PCMTD1: variants seen among roughly 807,000 people sequenced by gnomAD.
PCMTD1 encodes protein-L-isoaspartate O-methyltransferase domain-containing protein 1.
Under a neutral mutation model 37.6 loss-of-function variants are expected in PCMTD1, and 12 were observed. The observed-to-expected ratio is 0.32, with a 90% confidence interval of 0.20 to 0.52. The LOEUF (loss-of-function observed/expected upper bound fraction) is 0.52, where lower values mean the gene tolerates loss of function less well. Ranked by LOEUF, PCMTD1 falls within the 20% of genes least tolerant of loss-of-function variation. The pLI is 0.97. For synonymous variants in PCMTD1, 117 were observed against 135.8 expected (o/e 0.86, Z 0.96); for missense variants, 235 against 421.3 (o/e 0.56, Z 3.87).
chr8:51,888,024 T>A (rs2038889049), intron 1 of PCMTD1, among the ~76,000 whole-genome samples: 2 of 152,206 alleles, frequency 1.3e-5, no homozygotes. Context: ...ATTACAGGCA[T>A]GAGCCACCGT....
chr8:51,885,356 G>A (rs1209068262), intron 1 of PCMTD1, among the ~76,000 whole-genome samples: 3 of 152,194 alleles, frequency 2.0e-5, no homozygotes, highest in South Asian at 2.1e-4. Context: ...TCAGAGAGGG[G>A]AAGTTAGACG....
rs1390289397 is a variant in PCMTD1 at position 51,817,798 on chromosome 8, T to G, written c.*2553A>C. The G allele has an allele frequency of 8.8e-6, 4 of 456,134 alleles. No homozygotes were observed. The highest frequency in any genetic ancestry group is 1.8e-5 in the Non-Finnish European group (4 of 226,888). 28.3% of individuals were successfully genotyped at this position (456,134 alleles called of 1,614,324 possible). ...AGCAGTATAGATTTAAATTATCTTC[T>G]TGGGTTGGTCTGAGGTTGCTGATGG... On this transcript the variant is annotated 3_prime_UTR_variant, in exon 6 of 6. Coordinates refer to ENST00000522514, the MANE Select transcript of PCMTD1 (RefSeq NM_052937.4).
Position 51,825,314 on chromosome 8 carries a change from G to A in PCMTD1, c.707-4596C>T, listed in dbSNP as rs1750639684. On this transcript the variant is annotated intron_variant, in intron 5 of 5. Transcript: ENST00000522514. ...TATCCATCTGACAAAGGGCTAACATGCAGAATCTACAAAGAACTTAAATTT... is the reference window on the plus strand; with the variant it reads ...TATCCATCTGACAAAGGGCTAACATACAGAATCTACAAAGAACTTAAATTT... Among the ~76,000 whole-genome samples, 3 of 152,216 alleles carry A rather than the reference G, an allele frequency of 2.0e-5. No homozygotes were observed. In the South Asian group the frequency reaches 6.2e-4, roughly 32 times the overall value.
intron 5 of PCMTD1, among the ~76,000 whole-genome samples, chr8:51,821,864 T>C (rs867212847): frequency 1.3e-5 from 2 of 152,014 alleles, no homozygotes; most frequent in Non-Finnish European, 2.9e-5. Flanking sequence ...GCCTCCCAAG[T>C]AGCTGGGACT....
intron 5 of PCMTD1, among the ~76,000 whole-genome samples, chr8:51,822,415 G>T (rs2037861672): frequency 6.6e-6 from 1 of 152,110 alleles, no homozygotes; most frequent in African/African-American, 2.4e-5. Context: ...TGAGCAACTG[G>T]GCAGATGCTG....
intron 1 of PCMTD1, among the ~76,000 whole-genome samples, chr8:51,863,119 T>G (rs78632022): frequency 0.025 from 3,773 of 151,664 alleles, 159 homozygotes; most frequent in African/African-American, 0.086. Context: ...AAAGAAAAAA[T>G]GGTTATATTA....
chr8:51,826,517 T>C (rs568897544), intron 5 of PCMTD1, among the ~76,000 whole-genome samples: 9 of 152,252 alleles, frequency 5.9e-5, no homozygotes, highest in South Asian at 2.1e-4. Flanking sequence ...ACTTAAAATA[T>C]AATAAAAAAT....
At chr8:51,850,160 G>C in intron 2 of PCMTD1, 1 of 695,618 alleles carries the variant, frequency 1.4e-6, no homozygotes, top group Non-Finnish European at 2.6e-6. Flanking sequence ...CCTAACTGTT[G>C]TATAATCTAA....
chr8:51,878,888 G>T (rs951460703), intron 1 of PCMTD1, among the ~76,000 whole-genome samples: 1 of 152,178 alleles, frequency 6.6e-6, no homozygotes, highest in African/African-American at 2.4e-5. Flanking sequence ...ACTTTGGGAG[G>T]TCAAGGTGTG....
chr8:51,863,426 A>G (rs531171590), intron 1 of PCMTD1, among the ~76,000 whole-genome samples: 7 of 152,242 alleles, frequency 4.6e-5, no homozygotes, highest in African/African-American at 1.7e-4. Context: ...AATGAAATAA[A>G]TAAGAACTAC....
chr8:51,845,894 C>G, intron 2 of PCMTD1, 131 bp from the exon 3 acceptor site: 1 of 566,456 alleles, frequency 1.8e-6, no homozygotes, highest in South Asian at 2.8e-5. Context: ...TACTTCCTAG[C>G]CTCAGACTTA....
chr8:51,852,253 T>TAA (rs927354137), intron 2 of PCMTD1, among the ~76,000 whole-genome samples: 2 of 152,162 alleles, frequency 1.3e-5, no homozygotes, highest in African/African-American at 4.8e-5. Flanking sequence ...TAAAGAATGA[T>TAA]AAAGTACACA....
intron 5 of PCMTD1, among the ~76,000 whole-genome samples, chr8:51,821,203 A>C (rs756608707): frequency 1.3e-5 from 2 of 152,208 alleles, no homozygotes; most frequent in African/African-American, 2.4e-5. Context: ...GTGATGGCAC[A>C]ATCATGGCCT....
In PCMTD1 at chr8:51,837,541, GATT is replaced by G. The variant is rs1563340002; in HGVS notation, c.411-3855_411-3853del. Among the ~76,000 whole-genome samples the G allele has an allele frequency of 4.6e-5, 7 of 152,104 alleles. 1 individual carries two copies. The South Asian group carries it at 1.5e-3, about 32-fold the overall frequency. On this transcript the variant is annotated intron_variant, in intron 3 of 5. Transcript: ENST00000522514. ...ACACTACCAATTTTAGTGTCCTAAGGATTATTATTTAAATATGGCTTAACCTTT... is the reference window on the plus strand; with the variant it reads ...ACACTACCAATTTTAGTGTCCTAAGGATTATTTAAATATGGCTTAACCTTT...
rs2037787350 is a variant in PCMTD1, at chr8:51,818,187, T to G, written c.*2164A>C. Reference sequence around the variant, plus strand: ...TTAATTTTCATTTTTCATTTCTACCTCTTAAAGTCAATGATAAACTCACAA... The same window carrying G: ...TTAATTTTCATTTTTCATTTCTACCGCTTAAAGTCAATGATAAACTCACAA... On this transcript the variant is annotated 3_prime_UTR_variant, in exon 6 of 6. Coordinates refer to ENST00000522514, the MANE Select transcript of PCMTD1 (RefSeq NM_052937.4). The G allele has an allele frequency of 3.2e-6, 1 of 313,664 alleles. No individual in the cohort carries two copies. The highest frequency in any genetic ancestry group is 2.7e-5 in the South Asian group (1 of 36,570). 19.4% of individuals were successfully genotyped at this position (313,664 alleles called of 1,614,324 possible). A position where few individuals can be genotyped will look rare whatever the true frequency, so the allele number is the denominator to read the frequency against.
In PCMTD1 at chr8:51,861,246, C is replaced by A; in HGVS notation, c.-95G>T. ...ACTTGATTTCCAAAAATAAATTAAT[C>A]CTGGAAGGGAAGAACAAAAATAAAC... is the stretch of plus-strand genomic sequence containing the variant. On this transcript the variant is annotated splice_region_variant and 5_prime_UTR_variant, in exon 2 of 6. Coordinates refer to ENST00000522514, the MANE Select transcript of PCMTD1 (RefSeq NM_052937.4). 1 of 1,449,608 alleles carries A rather than the reference C, an allele frequency of 6.9e-7. No homozygotes were observed. The highest frequency in any genetic ancestry group is 9.1e-7 in the Non-Finnish European group (1 of 1,097,402). 89.8% of individuals were successfully genotyped at this position (1,449,608 alleles called of 1,614,324 possible).
chr8:51,875,671 C>T (rs571858512), intron 1 of PCMTD1, among the ~76,000 whole-genome samples: 1 of 152,282 alleles, frequency 6.6e-6, no homozygotes, highest in South Asian at 2.1e-4. Flanking sequence ...GGACCAGTGG[C>T]TCATGCCTAT....
rs572589367 is a variant in PCMTD1 at position 51,878,705 on chromosome 8, C to T, written c.-95-17459G>A. 2.5e-3 allele frequency among the ~76,000 whole-genome samples: 386 copies of T among 152,292 alleles called. 2 individuals are homozygous for T. Among genetic ancestry groups the T allele is most frequent in the African/African-American group, 9.0e-3 (374 of 41,554 alleles). The stretch of plus-strand genomic sequence containing the variant: ...TGAAGGCTGCAGCAAGCTGTGATCA[C>T]ATCACTATATTCCAGCCTGGATGAT... On this transcript the variant is annotated intron_variant, in intron 1 of 5. Transcript: ENST00000522514.
At chr8:51,838,493 G>GA (rs909821751) in intron 3 of PCMTD1, among the ~76,000 whole-genome samples, 27 of 150,650 alleles carry the variant, frequency 1.8e-4, no homozygotes, top group Non-Finnish European at 3.4e-4. Flanking sequence ...CTGTCTCAAA[G>GA]AAAAAAAAGA....
Sources: allele counts gnomAD v4.1 joint callset (sites outside exome capture counted in the v4.1 genomes callset), GRCh38; gene constraint gnomAD v4.1.1; transcripts MANE v1.5; gene names NCBI Gene and HGNC (gene_info 2026-07-23, HGNC 2026-07-21).